Variants in NAALADL2 observed in about 807,000 individuals in gnomAD.
The protein encoded by NAALADL2 is inactive N-acetylated-alpha-linked acidic dipeptidase-like protein 2.
Under a neutral mutation model 87.2 loss-of-function variants are expected in NAALADL2, and 76 were observed. The ratio of observed to expected loss-of-function variants is 0.87; its 90% CI spans 0.72 to 1.05. The LOEUF (loss-of-function observed/expected upper bound fraction) is 1.05. NAALADL2 is among the 50% of genes least tolerant of loss of function. NAALADL2 has a pLI of 0.00. For synonymous variants in NAALADL2, 354 were observed against 331.0 expected (o/e 1.07, Z -0.75); for missense variants, 1,089 against 945.8 (o/e 1.15, Z -1.99).
chr3:175,234,091 A>G lies in NAALADL2; in HGVS notation c.706A>G (p.Ser236Gly). The G allele has an allele frequency of 1.9e-6, 3 of 1,613,932 alleles. No homozygotes were observed. Among genetic ancestry groups the G allele is most frequent in the Middle Eastern group, 1.7e-4 (1 of 6,058 alleles). ...TCCCAGCACTGTGACTCTGAGCAGC[A>G]GTGGTCAATGCTTTCATCCTAATGG... ...PSPSTVTLSS[S>G]GQCFHPNGQP... The change falls in exon 3 of 14, where the codon AGT (serine) becomes GGT (glycine). Residue 236 changes from serine (S) to glycine (G), a missense_variant. By Grantham distance (56) the Ser-to-Gly change is moderately conservative (BLOSUM62 0). Coordinates refer to ENST00000454872, the MANE Select transcript of NAALADL2 (RefSeq NM_207015.3).
Position 174,810,712 on chromosome 3 carries a change from C to T in NAALADL2, c.-9+72966C>T, listed in dbSNP as rs374747791. ...TGGTAAAAAAGAAAAGCTCATTTTCCGGGTGGAGATTGGGAGGCAACTCAA... is the reference window on the plus strand; with the variant it reads ...TGGTAAAAAAGAAAAGCTCATTTTCTGGGTGGAGATTGGGAGGCAACTCAA... On this transcript the variant is annotated intron_variant, in intron 3 of 3. Coordinates refer to the NAALADL2 transcript ENST00000434257. Among the ~76,000 whole-genome samples, 20 of 152,140 alleles carry T rather than the reference C, an allele frequency of 1.3e-4. No individual in the cohort carries two copies. The East Asian group carries it at 2.1e-3, about 16-fold the overall frequency.
intron 1 of NAALADL2, among the ~76,000 whole-genome samples, chr3:175,021,707 T>G (rs1366529782): frequency 6.6e-6 from 1 of 152,152 alleles, no homozygotes; most frequent in East Asian, 1.9e-4. Flanking sequence ...TGTATTGCTC[T>G]TTAATAGGGG....
intron 10 of NAALADL2, among the ~76,000 whole-genome samples, chr3:175,596,750 A>G (rs1292104623): frequency 6.6e-6 from 1 of 151,926 alleles, no homozygotes; most frequent in Non-Finnish European, 1.5e-5. Flanking sequence ...ATATAAATTC[A>G]GTATGTAATA....
At chr3:174,837,666 C>T (rs989802317) in intron 3 of NAALADL2, among the ~76,000 whole-genome samples, 1 of 151,948 alleles carries the variant, frequency 6.6e-6, no homozygotes, top group Non-Finnish European at 1.5e-5. Context: ...TGGTGGTGCG[C>T]ACCTATAATC....
intron 2 of NAALADL2, among the ~76,000 whole-genome samples, chr3:174,605,984 C>T (rs1433081934): frequency 1.3e-5 from 2 of 152,168 alleles, no homozygotes; most frequent in African/African-American, 4.8e-5. Context: ...TCCAGAGGAA[C>T]GATCAGACAG....
In NAALADL2 at chr3:174,702,563, G is replaced by A. The variant is rs1337606932; in HGVS notation, c.-114-35078G>A. The stretch of plus-strand genomic sequence containing the variant: ...TCATAAGGCAATTTTGTTATTATGC[G>A]AACATCATAGAGTGTACTTACACAA... On this transcript the variant is annotated intron_variant, in intron 2 of 3. Coordinates refer to the NAALADL2 transcript ENST00000434257. Among the ~76,000 whole-genome samples, 5 of 152,132 alleles carry A rather than the reference G, an allele frequency of 3.3e-5. No homozygotes were observed. In the East Asian group the frequency reaches 7.7e-4, roughly 23 times the overall value.
chr3:174,834,578 A>G (rs147305733), intron 3 of NAALADL2, among the ~76,000 whole-genome samples: 9 of 152,138 alleles, frequency 5.9e-5, no homozygotes, highest in Admixed American at 5.2e-4. Context: ...AGCTACTAGA[A>G]CTAATAAGCA....
chr3:175,333,863 A>G (rs1217477799), intron 5 of NAALADL2, among the ~76,000 whole-genome samples: 1 of 152,146 alleles, frequency 6.6e-6, no homozygotes, highest in African/African-American at 2.4e-5. Flanking sequence ...AATAGTAAAT[A>G]CTCAAGGTAA....
intron 2 of NAALADL2, among the ~76,000 whole-genome samples, chr3:174,650,951 C>A (rs1412646973): frequency 6.6e-6 from 1 of 151,922 alleles, no homozygotes; most frequent in Non-Finnish European, 1.5e-5. Flanking sequence ...ATGCATTTGG[C>A]CCTATTCACT....
chr3:175,054,966 C>T (rs141868867), intron 1 of NAALADL2, among the ~76,000 whole-genome samples: 17,079 of 152,180 alleles, frequency 0.11, 1,101 homozygotes, highest in East Asian at 0.21. Flanking sequence ...AATATGACTA[C>T]TTTGATATAC....
At chr3:174,948,238 T>G (rs1739766569) in intron 1 of NAALADL2, among the ~76,000 whole-genome samples, 1 of 152,064 alleles carries the variant, frequency 6.6e-6, no homozygotes, top group African/African-American at 2.4e-5. Flanking sequence ...GTGCATTGGC[T>G]TGATCTCCGC....
At chr3:174,832,945 T>A (rs1722900756) in intron 3 of NAALADL2, among the ~76,000 whole-genome samples, 1 of 152,160 alleles carries the variant, frequency 6.6e-6, no homozygotes, top group African/African-American at 2.4e-5. Context: ...ATATTAGCAT[T>A]TATATTTCTA....
intron 4 of NAALADL2, among the ~76,000 whole-genome samples, chr3:175,318,593 C>G (rs1025220612): frequency 2.0e-5 from 3 of 152,136 alleles, no homozygotes; most frequent in Non-Finnish European, 2.9e-5. Context: ...CCACTCTTAA[C>G]ATTTTGCAGT....
intron 3 of NAALADL2, among the ~76,000 whole-genome samples, chr3:174,853,235 G>T (rs1158321190): frequency 8.0e-6 from 1 of 125,098 alleles, no homozygotes; most frequent in African/African-American, 2.8e-5. Context: ...AAAATTAGCC[G>T]GGTGTGGTGG....
At chr3:174,519,803 A>T (rs561065418) in intron 1 of NAALADL2, among the ~76,000 whole-genome samples, 1 of 152,284 alleles carries the variant, frequency 6.6e-6, no homozygotes, top group Admixed American at 6.5e-5. Flanking sequence ...TTTCATGATA[A>T]AAACCCTTAA....
chr3:174,929,709 T>C (rs576172987), intron 1 of NAALADL2, among the ~76,000 whole-genome samples: 101 of 152,312 alleles, frequency 6.6e-4, no homozygotes, highest in African/African-American at 2.2e-3. Flanking sequence ...AGTGGAATTA[T>C]TGTCCTTGAT....
At chr3:175,769,726 A>ATGTG (rs59250890) in intron 13 of NAALADL2, among the ~76,000 whole-genome samples, 95 of 151,318 alleles carry the variant, frequency 6.3e-4, no homozygotes, top group Middle Eastern at 3.4e-3. Context: ...ATGTGTGTGC[A>ATGTG]TGTGTGTGTG....
At chr3:175,252,947 G>GT (rs751156746) in intron 3 of NAALADL2, among the ~76,000 whole-genome samples, 3 of 152,138 alleles carry the variant, frequency 2.0e-5, no homozygotes, top group Non-Finnish European at 4.4e-5. Flanking sequence ...GTTAACAGGG[G>GT]TTGATCCATG....
At chr3:174,970,980 A>G (rs1223578922) in intron 1 of NAALADL2, among the ~76,000 whole-genome samples, 1 of 152,200 alleles carries the variant, frequency 6.6e-6, no homozygotes, top group Non-Finnish European at 1.5e-5. Flanking sequence ...TTGGACTTAC[A>G]GGTCCACATG....
Sources: gnomAD v4.1 joint callset for allele counts (sites outside exome capture counted in the v4.1 genomes callset) on GRCh38, gnomAD v4.1.1 for gene constraint, MANE v1.5 for transcripts, NCBI Gene and HGNC (gene_info 2026-07-23, HGNC 2026-07-21) for gene names.